The following PLEKHA5 variants were observed in gnomAD, a reference collection of about 807,000 sequenced individuals.
The protein encoded by PLEKHA5 is pleckstrin homology domain containing A5.
Under a neutral mutation model 181.9 loss-of-function variants are expected in PLEKHA5, and 55 were observed. That is an observed-to-expected ratio of 0.30 (90% CI 0.24 to 0.38). The LOEUF is 0.38. PLEKHA5 is among the 10% of genes least tolerant of loss of function. The pLI is 1.00. For synonymous variants in PLEKHA5, 535 were observed against 529.4 expected (o/e 1.01, Z -0.15); for missense variants, 1,432 against 1,549.5 (o/e 0.92, Z 1.27).
chr12:19,307,945 AAG>A (rs1007198219), intron 15 of PLEKHA5, among the ~76,000 whole-genome samples: 1 of 151,454 alleles, frequency 6.6e-6, no homozygotes, highest in African/African-American at 2.4e-5. Context: ...AAGAAAGATA[AAG>A]AGAGAAATAG....
chr12:19,180,794 G>T (rs540583351), intron 3 of PLEKHA5, among the ~76,000 whole-genome samples: 1 of 145,316 alleles, frequency 6.9e-6, no homozygotes, highest in East Asian at 2.0e-4. Context: ...AAAATATAGT[G>T]TTTTTTTTTT....
chr12:19,249,418 TC>T (rs1240384334), intron 3 of PLEKHA5, among the ~76,000 whole-genome samples: 20 of 152,106 alleles, frequency 1.3e-4, no homozygotes, highest in Non-Finnish European at 2.2e-4. Context: ...ATGATTCACA[TC>T]ATAGATGGGA....
At chr12:19,335,577 G>A (rs1293990837) in intron 20 of PLEKHA5, among the ~76,000 whole-genome samples, 2 of 113,600 alleles carry the variant, frequency 1.8e-5, no homozygotes, top group African/African-American at 6.2e-5. Context: ...CACTGCGCCT[G>A]GCTAATTTTT....
At chr12:19,219,646 C>A (rs1349358754) in intron 3 of PLEKHA5, among the ~76,000 whole-genome samples, 2 of 151,142 alleles carry the variant, frequency 1.3e-5, no homozygotes, top group Non-Finnish European at 2.9e-5. Context: ...TTTACATATG[C>A]CTTTATTTTT....
At chr12:19,272,316 C>A (rs940282176) in intron 10 of PLEKHA5, among the ~76,000 whole-genome samples, 1 of 151,988 alleles carries the variant, frequency 6.6e-6, no homozygotes, top group African/African-American at 2.4e-5. Flanking sequence ...TTTATGGTAC[C>A]TTAGCATACT....
intron 3 of PLEKHA5, among the ~76,000 whole-genome samples, chr12:19,199,055 T>A (rs2053606282): frequency 6.6e-6 from 1 of 152,178 alleles, no homozygotes; most frequent in Non-Finnish European, 1.5e-5. Context: ...TCTTGCCATA[T>A]GCTAAGTAGA....
chr12:19,137,169 A>T (rs1184105439), intron 3 of PLEKHA5, among the ~76,000 whole-genome samples: 1 of 151,914 alleles, frequency 6.6e-6, no homozygotes, highest in African/African-American at 2.4e-5. Flanking sequence ...AGTAGTTGAG[A>T]TTACAGGTGC....
intron 18 of PLEKHA5, 83 bp from the exon 19 acceptor site, chr12:19,322,227 T>A (rs2091047425): frequency 1.3e-6 from 1 of 783,660 alleles, no homozygotes; most frequent in Non-Finnish European, 2.2e-6. Flanking sequence ...GAAATATAGA[T>A]TTTTGGTCAT....
chr12:19,197,845 G>A (rs1315270828), intron 3 of PLEKHA5, among the ~76,000 whole-genome samples: 3 of 143,434 alleles, frequency 2.1e-5, no homozygotes, highest in Non-Finnish European at 3.1e-5. Context: ...TCTTCATATA[G>A]TGTCTAATAT....
In PLEKHA5 at chr12:19,155,274, C is replaced by T. The variant is rs372209628; in HGVS notation, c.227+22824C>T. Among the ~76,000 whole-genome samples the T allele has an allele frequency of 4.6e-5, 7 of 152,264 alleles. No homozygotes were observed. In the South Asian group the frequency reaches 1.0e-3, roughly 23 times the overall value. On this transcript the variant is annotated intron_variant, in intron 3 of 31. Transcript: ENST00000429027. ...TGGCAAGAAGCAAATTCAGACAATC[C>T]TAAACCTGTTTTGACCATGAGGTTA...
intron 25 of PLEKHA5, among the ~76,000 whole-genome samples, chr12:19,352,577 C>CTTT (rs34607449): frequency 6.4e-5 from 7 of 110,142 alleles, no homozygotes; most frequent in East Asian, 2.8e-4. Context: ...ACAAAGAAGG[C>CTTT]TTTTTTTTTT....
intron 12 of PLEKHA5, among the ~76,000 whole-genome samples, chr12:19,287,047 G>C (rs1332206137): frequency 6.6e-6 from 1 of 151,990 alleles, no homozygotes; most frequent in Non-Finnish European, 1.5e-5. Flanking sequence ...GCCCAGGCTG[G>C]AGTGCAGTGG....
At chr12:19,337,528 G>A (rs1323953831) in intron 21 of PLEKHA5, among the ~76,000 whole-genome samples, 13 of 128,934 alleles carry the variant, frequency 1.0e-4, no homozygotes, top group African/African-American at 2.6e-4. Flanking sequence ...CAGCCTGAGC[G>A]ACAGAGCGAG....
intron 3 of PLEKHA5, among the ~76,000 whole-genome samples, chr12:19,178,225 G>A (rs918153583): frequency 6.6e-6 from 1 of 152,148 alleles, no homozygotes; most frequent in Non-Finnish European, 1.5e-5. Context: ...CTGGTAGCAA[G>A]CCACATATTT....
chr12:19,341,090 T>C (rs956696354), intron 21 of PLEKHA5, among the ~76,000 whole-genome samples: 2 of 152,108 alleles, frequency 1.3e-5, no homozygotes, highest in Non-Finnish European at 2.9e-5. Context: ...CTGGCCAACA[T>C]GGCGAAACCT....
At chr12:19,304,826 G>A (rs2152937906) in intron 15 of PLEKHA5, among the ~76,000 whole-genome samples, 1 of 151,526 alleles carries the variant, frequency 6.6e-6, no homozygotes, top group South Asian at 2.1e-4. Flanking sequence ...TGGATGTGAT[G>A]CCTCATGCCT....
chr12:19,343,503 A>T (rs1227128313), intron 22 of PLEKHA5, 69 bp downstream of exon 22: 5 of 882,744 alleles, frequency 5.7e-6, no homozygotes, highest in Non-Finnish European at 9.4e-6. Flanking sequence ...TTGGTGACAG[A>T]TTACATTCTG....
chr12:19,218,475 A>G (rs1472208246), intron 3 of PLEKHA5, among the ~76,000 whole-genome samples: 1 of 152,210 alleles, frequency 6.6e-6, no homozygotes, highest in African/African-American at 2.4e-5. Context: ...TCTTGAATAG[A>G]TAACATTTTA....
At chr12:19,223,415 G>T (rs2059263697) in intron 3 of PLEKHA5, among the ~76,000 whole-genome samples, 1 of 152,018 alleles carries the variant, frequency 6.6e-6, no homozygotes, top group South Asian at 2.1e-4. Flanking sequence ...TGTTTTCGTT[G>T]TGAGATCATA....
Sources: gnomAD v4.1 joint callset for allele counts (sites outside exome capture counted in the v4.1 genomes callset) on GRCh38, gnomAD v4.1.1 for gene constraint, MANE v1.5 for transcripts, NCBI Gene and HGNC (gene_info 2026-07-23, HGNC 2026-07-21) for gene names.